CHD7: variants seen among roughly 807,000 people sequenced by gnomAD.
CHD7 encodes the protein ATP-dependent chromatin remodeler CHD7.
CHD7 carries 24 observed loss-of-function variants against 307.3 expected under a neutral mutation model. That is an observed-to-expected ratio of 0.08 (90% CI 0.06 to 0.11). CHD7 has a LOEUF of 0.11. CHD7 is among the 10% of genes least tolerant of loss of function. The probability of loss-of-function intolerance (pLI) is 1.00; values close to 1 mark genes in which losing one functional copy is unlikely to be tolerated. For synonymous variants in CHD7, 1,363 were observed against 1,349.9 expected (o/e 1.01, Z -0.21); for missense variants, 3,106 against 3,727.1 (o/e 0.83, Z 4.34).
chr8:60,849,981 G>A (rs1004645818), intron 25 of CHD7, among the ~76,000 whole-genome samples: 1 of 152,132 alleles, frequency 6.6e-6, no homozygotes, highest in Admixed American at 6.5e-5. Context: ...GAAAACCATA[G>A]AGGGAACCGT....
intron 1 of CHD7, among the ~76,000 whole-genome samples, chr8:60,721,415 C>T (rs1298268759): frequency 2.0e-5 from 3 of 152,160 alleles, no homozygotes; most frequent in Admixed American, 6.5e-5. Flanking sequence ...CCAGCACCTT[C>T]GTCTTGGACT....
intron 1 of CHD7, among the ~76,000 whole-genome samples, chr8:60,683,238 G>C (rs931745908): frequency 2.7e-4 from 41 of 152,082 alleles, no homozygotes; most frequent in Admixed American, 1.3e-4. Flanking sequence ...AAAAATTGTT[G>C]ACATTCAAAG....
intron 6 of CHD7, among the ~76,000 whole-genome samples, chr8:60,807,156 C>T (rs1337768246): frequency 3.9e-5 from 6 of 152,170 alleles, no homozygotes; most frequent in Non-Finnish European, 8.8e-5. Context: ...CAGATCTGTG[C>T]CAGTCTGTTA....
At chr8:60,736,788 A>G (rs1808735900) in intron 1 of CHD7, among the ~76,000 whole-genome samples, 1 of 152,210 alleles carries the variant, frequency 6.6e-6, no homozygotes, top group Non-Finnish European at 1.5e-5. Flanking sequence ...TGTTTGAGCT[A>G]TAGGAGATAC....
At chr8:60,836,022 AGTAATAAAAACCTT>A in intron 15 of CHD7, 37 bp from the exon 16 acceptor site, 1 of 1,360,330 alleles carries the variant, frequency 7.4e-7, no homozygotes, top group South Asian at 1.3e-5. Flanking sequence ...CATTGTTTTT[AGTAATAAAAACCTT>A]TTACAGTATT....
At chr8:60,690,831 G>A (rs952232096) in intron 1 of CHD7, among the ~76,000 whole-genome samples, 25 of 152,204 alleles carry the variant, frequency 1.6e-4, no homozygotes, top group African/African-American at 4.8e-4. Flanking sequence ...AACCCAGGCC[G>A]TACCTAGCAG....
intron 1 of CHD7, among the ~76,000 whole-genome samples, chr8:60,738,037 C>T (rs1020670302): frequency 6.6e-6 from 1 of 152,152 alleles, no homozygotes; most frequent in Non-Finnish European, 1.5e-5. Flanking sequence ...ATAAATGCAA[C>T]TTGAATGTTT....
intron 34 of CHD7, among the ~76,000 whole-genome samples, chr8:60,860,329 G>A (rs902585729): frequency 6.6e-6 from 1 of 152,212 alleles, no homozygotes; most frequent in African/African-American, 2.4e-5. Context: ...TATTCCCAGT[G>A]GCTGGCTTAG....
At position 60,865,877 on chromosome 8, in the gene CHD7, G is replaced by C; in HGVS notation, c.8938G>C (p.Glu2980Gln). Residue 2980 changes from glutamate (E) to glutamine (Q), a missense_variant, in exon 38 of 38, where the codon GAG becomes CAG. Coordinates refer to ENST00000423902, the MANE Select transcript of CHD7 (RefSeq NM_017780.4). The surrounding 1 kb of genome is among the most constrained non-coding windows in gnomAD (Gnocchi z 4.3). ...LLEDEIAQGE[E>Q]LDSLDGGDEI... is the part of the protein sequence containing the mutation. ...AGAAGACGAAATAGCACAGGGTGAA[G>C]AGCTAGACTCACTTGATGGGGGGGA... 1 of 1,611,776 alleles carries C rather than the reference G, an allele frequency of 6.2e-7. No individual in the cohort carries two copies. The highest frequency in any genetic ancestry group is 8.5e-7 in the Non-Finnish European group (1 of 1,178,960).
At chr8:60,832,817 G>T (rs1486206152) in intron 15 of CHD7, among the ~76,000 whole-genome samples, 1 of 152,106 alleles carries the variant, frequency 6.6e-6, no homozygotes, top group Non-Finnish European at 1.5e-5. Context: ...GCTTTCCAGG[G>T]TCATCCTGTA....
chr8:60,706,748 A>G (rs2150516818), intron 1 of CHD7, among the ~76,000 whole-genome samples: 1 of 152,280 alleles, frequency 6.6e-6, no homozygotes, highest in East Asian at 1.9e-4. Context: ...ACATGCTGGA[A>G]GTTAGTTTTC....
intron 7 of CHD7, among the ~76,000 whole-genome samples, chr8:60,811,604 G>A (rs543541588): frequency 6.6e-6 from 1 of 151,962 alleles, no homozygotes; most frequent in East Asian, 1.9e-4. Context: ...GGCTTCTGAT[G>A]TTTTCCAATT....
intron 21 of CHD7, among the ~76,000 whole-genome samples, 182 bp downstream of exon 21, chr8:60,842,234 T>C (rs1805007754): frequency 6.6e-6 from 1 of 152,230 alleles, no homozygotes; most frequent in African/African-American, 2.4e-5. Context: ...ATCTAAGTTG[T>C]TCAGATGCTT....
rs571117515 is a variant in CHD7, at chr8:60,731,985, G to A, written c.-174-9274G>A. On this transcript the variant is annotated intron_variant, in intron 1 of 37. Coordinates refer to ENST00000423902, the MANE Select transcript of CHD7 (RefSeq NM_017780.4). ...TATGCTGTGATGCTTTGCCTGTCCTGTGCTCAGGTTTATTCATGATGGATA... is the reference window on the plus strand; with the variant it reads ...TATGCTGTGATGCTTTGCCTGTCCTATGCTCAGGTTTATTCATGATGGATA... Among the ~76,000 whole-genome samples, 388 of 152,336 alleles carry A rather than the reference G, an allele frequency of 2.5e-3. 1 individual carries two copies. The highest frequency in any genetic ancestry group is 4.8e-3 in the Non-Finnish European group (327 of 68,038).
At chr8:60,831,178 A>G (rs928971858) in intron 15 of CHD7, among the ~76,000 whole-genome samples, 1 of 152,186 alleles carries the variant, frequency 6.6e-6, no homozygotes, top group African/African-American at 2.4e-5. Flanking sequence ...AAGGTAGTAA[A>G]TATTTCATGC....
At chr8:60,827,248 TAAAA>T (rs11323480) in intron 13 of CHD7, among the ~76,000 whole-genome samples, 1 of 138,542 alleles carries the variant, frequency 7.2e-6, no homozygotes, top group Non-Finnish European at 1.6e-5. Context: ...TAAAGTATAA[TAAAA>T]AAAAAAAAAG....
chr8:60,843,551 C>G (rs189901761), intron 21 of CHD7, among the ~76,000 whole-genome samples: 1 of 152,276 alleles, frequency 6.6e-6, no homozygotes, highest in Non-Finnish European at 1.5e-5. Context: ...GGGTGGAGCT[C>G]TGAGCAAGAC....
intron 1 of CHD7, among the ~76,000 whole-genome samples, chr8:60,687,760 AT>A (rs1348828651): frequency 6.6e-6 from 1 of 152,188 alleles, no homozygotes; most frequent in Non-Finnish European, 1.5e-5. Context: ...TAGAACTATT[AT>A]CCCCATTTTA....
chr8:60,779,050 G>A (rs1167695967), intron 2 of CHD7, among the ~76,000 whole-genome samples: 12 of 152,100 alleles, frequency 7.9e-5, no homozygotes, highest in Admixed American at 7.9e-4. Flanking sequence ...CCTATATATC[G>A]TTACTCTTTT....
Sources: gnomAD v4.1 joint callset for allele counts (sites outside exome capture counted in the v4.1 genomes callset) on GRCh38, gnomAD v4.1.1 for gene constraint, Gnocchi (gnomAD v3.1) non-coding constraint, MANE v1.5 for transcripts, NCBI Gene and HGNC (gene_info 2026-07-23, HGNC 2026-07-21) for gene names.